The following KSR1 variants were observed in gnomAD, a reference collection of about 807,000 sequenced individuals.
KSR1 encodes kinase suppressor of ras 1, also known as kinase suppressor of ras.
In KSR1, 35 loss-of-function variants were observed where a neutral mutation model predicts 92.9. The ratio of observed to expected loss-of-function variants is 0.38; its 90% CI spans 0.29 to 0.50. KSR1 has a LOEUF of 0.50. KSR1 is among the 20% of genes least tolerant of loss of function. The pLI is 0.94. For synonymous variants in KSR1, 467 were observed against 472.6 expected (o/e 0.99, Z 0.15); for missense variants, 972 against 1,158.5 (o/e 0.84, Z 2.34).
At chr17:27,587,838 A>G (rs2073025197) in intron 5 of KSR1, among the ~76,000 whole-genome samples, 2 of 152,202 alleles carry the variant, frequency 1.3e-5, no homozygotes, top group Non-Finnish European at 2.9e-5. Context: ...CCCTTATCTC[A>G]GCAGAGAAGG....
At position 27,582,191 on chromosome 17, in the gene KSR1, A is replaced by T. The variant is rs541070152; in HGVS notation, c.521-455A>T. Among the ~76,000 whole-genome samples, 71 of 152,226 alleles carry T rather than the reference A, an allele frequency of 4.7e-4. 1 individual carries two copies. The highest frequency in any genetic ancestry group is 7.1e-4 in the Non-Finnish European group (48 of 67,998). The stretch of plus-strand genomic sequence containing the variant: ...CTGGGCTGTGCTTCCTCCTCTGTAA[A>T]ACAGAGATCCAGGTTGAGTATCCCC... On this transcript the variant is annotated intron_variant, in intron 3 of 20. Coordinates refer to ENST00000644974, the MANE Select transcript of KSR1 (RefSeq NM_001394583.1).
chr17:27,527,171 T>C, intron 1 of KSR1: 1 of 262,592 alleles, frequency 3.8e-6, no homozygotes, highest in South Asian at 5.1e-5. Context: ...CAGGGTACTC[T>C]TTTCTAGTTC....
In KSR1 at chr17:27,526,094, T is replaced by TTCTTTCTTTCTC. The variant is rs55706224; in HGVS notation, c.232-24471_232-24470insTTCTTTCTCTCT. On this transcript the variant is annotated intron_variant, in intron 1 of 20. Transcript: ENST00000644974. ...TCTCTTTCTTTCTTTCTTTCTTTCT[T>TTCTTTCTTTCTC]TCTCTCTCTCTCTCTCTCTCTCTCA... Among the ~76,000 whole-genome samples the TTCTTTCTTTCTC allele has an allele frequency of 1.4e-3, 168 of 118,328 alleles. 1 individual carries two copies. Among genetic ancestry groups the TTCTTTCTTTCTC allele is most frequent in the African/African-American group, 4.6e-3 (129 of 27,846 alleles). The allele number at this position is 118,328 out of a possible 152,430, so 77.6% of individuals were successfully genotyped here. A position where few individuals can be genotyped will look rare whatever the true frequency, so the allele number is the denominator to read the frequency against.
intron 1 of KSR1, among the ~76,000 whole-genome samples, chr17:27,486,483 T>C (rs2068668622): frequency 6.6e-6 from 1 of 152,234 alleles, no homozygotes; most frequent in Non-Finnish European, 1.5e-5. Flanking sequence ...GGAGGATCTC[T>C]GCTGAGGACA....
chr17:27,548,650 C>T (rs989117763), intron 1 of KSR1, among the ~76,000 whole-genome samples: 2 of 151,998 alleles, frequency 1.3e-5, no homozygotes, highest in African/African-American at 4.8e-5. Context: ...TCCAACATGG[C>T]GAAAACCCGT....
chr17:27,571,564 CCT>C (rs1427240947), intron 2 of KSR1, among the ~76,000 whole-genome samples: 1 of 152,232 alleles, frequency 6.6e-6, no homozygotes, highest in East Asian at 1.9e-4. Flanking sequence ...CCACCTTTGG[CCT>C]CTCTGGTCTG....
chr17:27,587,850 G>A (rs1363815694), intron 5 of KSR1, among the ~76,000 whole-genome samples: 1 of 152,236 alleles, frequency 6.6e-6, no homozygotes, highest in Non-Finnish European at 1.5e-5. Flanking sequence ...CAGAGAAGGA[G>A]GGTGCCCAAG....
chr17:27,508,704 A>ATTTTT (rs1248006036), intron 1 of KSR1, among the ~76,000 whole-genome samples: 1 of 133,082 alleles, frequency 7.5e-6, no homozygotes, highest in African/African-American at 3.1e-5. Flanking sequence ...TTGGGCCTGA[A>ATTTTT]TTTTTTTTAT....
intron 1 of KSR1, among the ~76,000 whole-genome samples, chr17:27,519,287 G>T (rs964576461): frequency 2.0e-5 from 3 of 152,174 alleles, no homozygotes; most frequent in African/African-American, 4.8e-5. Context: ...CCACTCTCCA[G>T]TTGCAGGTCA....
At chr17:27,607,846 C>A in intron 14 of KSR1, 68 bp from the exon 15 acceptor site, 1 of 1,153,094 alleles carries the variant, frequency 8.7e-7, no homozygotes, top group Non-Finnish European at 1.3e-6. Flanking sequence ...TCCCCATGGG[C>A]TCCACCAGGG....
intron 5 of KSR1, chr17:27,585,924 A>C: frequency 1.9e-6 from 1 of 533,802 alleles, no homozygotes; most frequent in Non-Finnish European, 3.4e-6. Flanking sequence ...CAGCCCCATG[A>C]AGAGCCCTGT....
At chr17:27,488,962 C>CA (rs1441332686) in intron 1 of KSR1, among the ~76,000 whole-genome samples, 5 of 152,160 alleles carry the variant, frequency 3.3e-5, no homozygotes, top group South Asian at 4.2e-4. Context: ...GACTCCATCT[C>CA]AAAAAAAATT....
intron 20 of KSR1, among the ~76,000 whole-genome samples, 169 bp downstream of exon 20, chr17:27,621,442 A>G (rs969126215): frequency 6.6e-5 from 10 of 152,156 alleles, no homozygotes; most frequent in Admixed American, 4.6e-4. Context: ...AGGGTCACAC[A>G]GGCTTGCATT....
chr17:27,588,009 C>A (rs1209991424), intron 5 of KSR1, among the ~76,000 whole-genome samples: 1 of 152,218 alleles, frequency 6.6e-6, no homozygotes, highest in East Asian at 1.9e-4. Flanking sequence ...CCTGGAAAGG[C>A]ACTGGATGGG....
intron 2 of KSR1, among the ~76,000 whole-genome samples, chr17:27,554,786 C>G (rs2071530150): frequency 6.6e-6 from 1 of 152,222 alleles, no homozygotes; most frequent in South Asian, 2.1e-4. Flanking sequence ...TTCCATGAAA[C>G]CAGTTCCTGG....
chr17:27,503,266 T>C (rs145315132), intron 1 of KSR1, among the ~76,000 whole-genome samples: 1 of 152,326 alleles, frequency 6.6e-6, no homozygotes, highest in East Asian at 1.9e-4. Flanking sequence ...CATTTTTGGT[T>C]GTCACAATTT....
At chr17:27,558,729 A>G (rs1281682298) in intron 2 of KSR1, among the ~76,000 whole-genome samples, 1 of 149,330 alleles carries the variant, frequency 6.7e-6, no homozygotes, top group Non-Finnish European at 1.5e-5. Context: ...TTTGGAAGGG[A>G]ACAAAATCCG....
At chr17:27,560,270 A>AT (rs1004657935) in intron 2 of KSR1, 5,765 of 365,314 alleles carry the variant, frequency 0.016, no homozygotes, top group South Asian at 0.025. Context: ...GCATGGAGCC[A>AT]TTTTTTTTTT....
At chr17:27,479,655 G>C (rs111576195) in intron 1 of KSR1, among the ~76,000 whole-genome samples, 112 of 152,318 alleles carry the variant, frequency 7.4e-4, no homozygotes, top group African/African-American at 2.5e-3. Context: ...TCCCTTGAGA[G>C]CTGGGCATCC....
Sources: allele counts gnomAD v4.1 joint callset (sites outside exome capture counted in the v4.1 genomes callset), GRCh38; gene constraint gnomAD v4.1.1; transcripts MANE v1.5; gene names NCBI Gene and HGNC (gene_info 2026-07-23, HGNC 2026-07-21).